Variants in PLCH1 observed in about 807,000 individuals in gnomAD.
PLCH1 encodes the protein 1-phosphatidylinositol 4,5-bisphosphate phosphodiesterase eta-1.
PLCH1 carries 60 observed loss-of-function variants against 126.7 expected under a neutral mutation model. That is an observed-to-expected ratio of 0.47 (90% CI 0.38 to 0.59). The LOEUF (loss-of-function observed/expected upper bound fraction) is 0.59, where lower values mean the gene tolerates loss of function less well. PLCH1 is among the 20% of genes least tolerant of loss of function. The probability of loss-of-function intolerance (pLI) is 0.00; values close to 1 mark genes in which losing one functional copy is unlikely to be tolerated. For missense variants in PLCH1, 1,723 were observed against 2,040.0 expected, an observed-to-expected ratio of 0.84 and a Z score of 2.99; for synonymous variants, 719 against 734.9, an observed-to-expected ratio of 0.98 and a Z score of 0.35.
downstream of PLCH1, among the ~76,000 whole-genome samples, chr3:155,474,921 C>G (rs1344952811): frequency 1.3e-4 from 14 of 105,448 alleles, no homozygotes; most frequent in African/African-American, 4.5e-4. Flanking sequence ...ACTCTGGGGA[C>G]TGTGGTGGGG....
intron 6 of PLCH1, among the ~76,000 whole-genome samples, chr3:155,582,934 G>A: frequency 6.6e-6 from 1 of 151,694 alleles, no homozygotes; most frequent in Middle Eastern, 3.2e-3. Context: ...TTGCTAATCA[G>A]GACCTAATTT....
intron 2 of PLCH1, among the ~76,000 whole-genome samples, chr3:155,658,957 C>T (rs985281471): frequency 6.6e-6 from 1 of 152,158 alleles, no homozygotes; most frequent in Non-Finnish European, 1.5e-5. Context: ...TCCAGCAGAC[C>T]ATAGCACCAA....
At chr3:155,506,542 C>A (rs1386420301) in intron 12 of PLCH1, among the ~76,000 whole-genome samples, 1 of 125,948 alleles carries the variant, frequency 7.9e-6, no homozygotes, top group African/African-American at 3.0e-5. Flanking sequence ...GTGATATTCC[C>A]CTTCCTGTGT....
chr3:155,457,339 A>C (rs951744302), intron 21 of PLCH1: 1 of 152,248 alleles, frequency 6.6e-6, no homozygotes, highest in Non-Finnish European at 1.5e-5. Context: ...AGATGAGCAG[A>C]GGCTTCAAGT....
chr3:155,538,102 A>G (rs1723696949), intron 10 of PLCH1, among the ~76,000 whole-genome samples: 1 of 152,196 alleles, frequency 6.6e-6, no homozygotes. Context: ...GGAACCCCAC[A>G]AAACGTGCAA....
intron 2 of PLCH1, among the ~76,000 whole-genome samples, chr3:155,689,203 C>T (rs1439229803): frequency 6.6e-6 from 1 of 152,176 alleles, no homozygotes; most frequent in Non-Finnish European, 1.5e-5. Flanking sequence ...CAGATCTTAT[C>T]TAAGACCACC....
chr3:155,522,542 A>T (rs60670071), intron 11 of PLCH1, among the ~76,000 whole-genome samples: 1 of 152,172 alleles, frequency 6.6e-6, no homozygotes, highest in African/African-American at 2.4e-5. Context: ...CTACTGAGAC[A>T]TCAGCTCTCA....
At chr3:155,722,194 G>A (rs577637309) in intron 1 of PLCH1, among the ~76,000 whole-genome samples, 18 of 151,490 alleles carry the variant, frequency 1.2e-4, no homozygotes, top group East Asian at 5.8e-4. Context: ...ATGGAGTTTC[G>A]CTCCTGTTGC....
intron 2 of PLCH1, among the ~76,000 whole-genome samples, chr3:155,662,809 G>A (rs1742317746): frequency 6.6e-6 from 1 of 151,996 alleles, no homozygotes; most frequent in African/African-American, 2.4e-5. Context: ...GATTACAGGC[G>A]ACAACCACCA....
chr3:155,570,173 C>T (rs1458246992), intron 6 of PLCH1, among the ~76,000 whole-genome samples: 2 of 152,148 alleles, frequency 1.3e-5, no homozygotes, highest in African/African-American at 4.8e-5. Context: ...CCAACCTTCC[C>T]CATCCCCTGA....
At position 155,566,292 on chromosome 3, in the gene PLCH1, T is replaced by C. The variant is rs570785822; in HGVS notation, c.866-1174A>G. 8.8e-3 allele frequency among the ~76,000 whole-genome samples: 361 copies of C among 41,094 alleles called. 70 individuals are homozygous for C. Among genetic ancestry groups the C allele is most frequent in the African/African-American group, 0.028 (350 of 12,436 alleles). The allele number at this position is 41,094 out of a possible 152,430, so 27.0% of individuals were successfully genotyped here. A position where few individuals can be genotyped will look rare whatever the true frequency, so the allele number is the denominator to read the frequency against. Reference sequence around the variant, plus strand: ...ATATACATATATACATATATATACGTATATATACACATATATATACATATA... The same window carrying C: ...ATATACATATATACATATATATACGCATATATACACATATATATACATATA... On this transcript the variant is annotated intron_variant, in intron 7 of 22. Coordinates refer to ENST00000460012, the MANE Select transcript of PLCH1 (RefSeq NM_014996.4).
intron 1 of PLCH1, among the ~76,000 whole-genome samples, chr3:155,741,684 C>CTTTTATTTTTTTTTTATTTTTATT: frequency 2.9e-4 from 30 of 102,856 alleles, no homozygotes; most frequent in East Asian, 5.6e-4. Flanking sequence ...TTTATATCCT[C>CTTTTATTTTTTTTTTATTTTTATT]TTTTTTTTTT....
Position 155,494,203 on chromosome 3 carries a change from C to G in PLCH1, c.2120G>C (p.Arg707Pro). 6.2e-7 allele frequency: 1 copy of G among 1,614,134 alleles called. No homozygotes were observed. The change falls in exon 17 of 23, where the codon CGA (arginine) becomes CCA (proline). Residue 707 changes from arginine (R) to proline (P), a missense_variant. Coordinates refer to ENST00000460012, the MANE Select transcript of PLCH1 (RefSeq NM_014996.4). Reference sequence around the variant, plus strand: ...ATTGCCATTTGCCTTGAATTTGGCTCGGTTTAACTGCATCATTCGTCCTTC... The same window carrying G: ...ATTGCCATTTGCCTTGAATTTGGCTGGGTTTAACTGCATCATTCGTCCTTC... Reference protein sequence around the residue: ...QSEGRMMQLNRAKFKANGNCG... With the variant: ...QSEGRMMQLNPAKFKANGNCG...
At chr3:155,492,419 G>T (rs1442092696) in intron 18 of PLCH1, among the ~76,000 whole-genome samples, 1 of 152,184 alleles carries the variant, frequency 6.6e-6, no homozygotes, top group Admixed American at 6.5e-5. Context: ...TGCCTTTCTA[G>T]GTTAAGATAT....
At chr3:155,633,784 G>A (rs1319391470) in intron 2 of PLCH1, among the ~76,000 whole-genome samples, 2 of 152,146 alleles carry the variant, frequency 1.3e-5, no homozygotes, top group Non-Finnish European at 2.9e-5. Context: ...GCCGGGTATG[G>A]TGGTGCATGC....
chr3:155,574,928 C>T (rs1299801797), intron 6 of PLCH1, among the ~76,000 whole-genome samples: 1 of 151,836 alleles, frequency 6.6e-6, no homozygotes, highest in Non-Finnish European at 1.5e-5. Flanking sequence ...GTCAGGAGTT[C>T]GAGGCCAGCC....
intron 1 of PLCH1, among the ~76,000 whole-genome samples, chr3:155,726,697 CTT>C (rs60339858): frequency 6.6e-5 from 9 of 135,836 alleles, no homozygotes; most frequent in Non-Finnish European, 4.8e-5. Flanking sequence ...TGTTCAGATT[CTT>C]TTTTTTTTTT....
chr3:155,537,593 G>T (rs944955133), intron 10 of PLCH1, among the ~76,000 whole-genome samples: 2 of 152,040 alleles, frequency 1.3e-5, no homozygotes, highest in African/African-American at 4.8e-5. Flanking sequence ...GGCAGGAGCA[G>T]CTATCCTTAT....
intron 1 of PLCH1, among the ~76,000 whole-genome samples, chr3:155,734,654 A>C (rs1407959131): frequency 6.6e-6 from 1 of 152,040 alleles, no homozygotes; most frequent in Non-Finnish European, 1.5e-5. Flanking sequence ...CAGTAGATGA[A>C]GGGATAAAGA....
Sources: allele counts gnomAD v4.1 joint callset (sites outside exome capture counted in the v4.1 genomes callset), GRCh38; gene constraint gnomAD v4.1.1; transcripts MANE v1.5; gene names NCBI Gene and HGNC (gene_info 2026-07-23, HGNC 2026-07-21).